SLC7A9: variants seen among roughly 807,000 people sequenced by gnomAD.
The protein encoded by SLC7A9 is B(0,+)-type amino acid transporter 1.
SLC7A9 carries 38 observed loss-of-function variants against 54.1 expected under a neutral mutation model. That is an observed-to-expected ratio of 0.70 (90% CI 0.54 to 0.92). The LOEUF (loss-of-function observed/expected upper bound fraction) is 0.92. SLC7A9 is among the 40% of genes least tolerant of loss of function. The probability of loss-of-function intolerance (pLI) is 0.00; values close to 1 mark genes in which losing one functional copy is unlikely to be tolerated. For synonymous variants in SLC7A9, 264 were observed against 258.9 expected (o/e 1.02, Z -0.19); for missense variants, 537 against 636.1 (o/e 0.84, Z 1.68).
intron 9 of SLC7A9, among the ~76,000 whole-genome samples, chr19:32,855,637 G>A (rs759910476): frequency 2.0e-5 from 3 of 152,056 alleles, no homozygotes; most frequent in South Asian, 2.1e-4. Flanking sequence ...GGGAGGTGGA[G>A]CTTGCAGTGA....
intron 2 of SLC7A9, among the ~76,000 whole-genome samples, chr19:32,868,179 C>T (rs1268373782): frequency 7.4e-6 from 1 of 136,000 alleles, no homozygotes; most frequent in Non-Finnish European, 1.5e-5. Flanking sequence ...TGCATTGAGC[C>T]GAGATGGCAG....
At chr19:32,865,578 C>T (rs1364983495) in intron 2 of SLC7A9, among the ~76,000 whole-genome samples, 1 of 152,208 alleles carries the variant, frequency 6.6e-6, no homozygotes, top group Non-Finnish European at 1.5e-5. Context: ...TAATCCACAG[C>T]CACAGGAATT....
intron 2 of SLC7A9, 142 bp from the exon 3 acceptor site, chr19:32,864,918 T>G: frequency 9.6e-7 from 1 of 1,043,626 alleles, no homozygotes; most frequent in Non-Finnish European, 1.5e-6. Flanking sequence ...GCGGCTGCCC[T>G]GGCAACACCG....
intron 9 of SLC7A9, among the ~76,000 whole-genome samples, chr19:32,853,389 T>A (rs1056148341): frequency 6.6e-6 from 1 of 152,230 alleles, no homozygotes; most frequent in Non-Finnish European, 1.5e-5. Context: ...TATAAATTTA[T>A]GAAAATAATT....
intron 9 of SLC7A9, among the ~76,000 whole-genome samples, chr19:32,853,068 G>A (rs1021885688): frequency 4.0e-5 from 6 of 151,830 alleles, no homozygotes; most frequent in South Asian, 2.1e-4. Flanking sequence ...CGCCCACCAC[G>A]TCCGGCTAAT....
At chr19:32,864,871 C>T (rs1968921316) in intron 2 of SLC7A9, 95 bp from the exon 3 acceptor site, 1 of 1,533,250 alleles carries the variant, frequency 6.5e-7, no homozygotes, top group Admixed American at 1.7e-5. Context: ...CAGGGCGGCC[C>T]CAGCCAAAGC....
chr19:32,839,445 T>G (rs2145805113), intron 11 of SLC7A9, among the ~76,000 whole-genome samples: 1 of 150,670 alleles, frequency 6.6e-6, no homozygotes, highest in African/African-American at 2.4e-5. Context: ...CCCAGCTACT[T>G]AGAAGGCTGA....
At chr19:32,861,933 AG>A (rs1968811329) in intron 6 of SLC7A9, among the ~76,000 whole-genome samples, 184 bp downstream of exon 6, 1 of 152,200 alleles carries the variant, frequency 6.6e-6, no homozygotes, top group South Asian at 2.1e-4. Context: ...CTGACTGAGC[AG>A]GTGTCTCAGG....
rs200323617 is a variant in SLC7A9, at chr19:32,843,969, G to A, written c.978-18C>T. ...AAATGAGTCTGGAAAATAACGACAC[G>A]GGAGTCCGCTGACCAGAGTGCAGAC... is the stretch of plus-strand genomic sequence containing the variant. On this transcript the variant is annotated intron_variant, in intron 9 of 12. Coordinates refer to ENST00000023064, the MANE Select transcript of SLC7A9 (RefSeq NM_014270.5). 1.9e-4 allele frequency: 303 copies of A among 1,579,118 alleles called. 1 individual carries two copies. Among genetic ancestry groups the A allele is most frequent in the Admixed American group, 3.8e-4 (23 of 59,912 alleles).
intron 9 of SLC7A9, among the ~76,000 whole-genome samples, chr19:32,855,492 G>A (rs543316135): frequency 3.4e-4 from 51 of 152,168 alleles, no homozygotes; most frequent in Non-Finnish European, 5.6e-4. Context: ...GAGGTCAGGA[G>A]ATCAAGACCA....
intron 1 of SLC7A9, among the ~76,000 whole-genome samples, chr19:32,869,177 C>A (rs8106475): frequency 6.6e-6 from 1 of 151,858 alleles, no homozygotes; most frequent in Non-Finnish European, 1.5e-5. Flanking sequence ...GAGCCAAGAT[C>A]ATGCCACTGC....
At chr19:32,839,307 C>G (rs550051899) in intron 11 of SLC7A9, among the ~76,000 whole-genome samples, 1 of 152,046 alleles carries the variant, frequency 6.6e-6, no homozygotes, top group African/African-American at 2.4e-5. Flanking sequence ...GTAATCCCAG[C>G]ACTTTGGAAG....
intron 9 of SLC7A9, among the ~76,000 whole-genome samples, chr19:32,845,380 AGCTGAG>A (rs984931191): frequency 3.9e-5 from 6 of 152,010 alleles, no homozygotes; most frequent in South Asian, 2.1e-4. Context: ...CTGTAACCTC[AGCTGAG>A]GCTGAGGCTG....
In SLC7A9 at chr19:32,859,972, G is replaced by A. The variant is rs2145839010; in HGVS notation, c.750-8C>T. Reference sequence around the variant, plus strand: ...ATGGCCAAAGGCAGGTTTCTGGGAGGGGCAATGACACGGAGACCCACGTTC... The same window carrying A: ...ATGGCCAAAGGCAGGTTTCTGGGAGAGGCAATGACACGGAGACCCACGTTC... On this transcript the variant is annotated splice_polypyrimidine_tract_variant and splice_region_variant and intron_variant, in intron 7 of 12. Transcript: ENST00000023064. The A allele has an allele frequency of 6.2e-7, 1 of 1,614,096 alleles. No individual in the cohort carries two copies. The highest frequency in any genetic ancestry group is 2.2e-5 in the East Asian group (1 of 44,878).
rs183247220 is a variant in SLC7A9, at chr19:32,861,537, C to T, written c.704+581G>A. Reference sequence around the variant, plus strand: ...GTTTAATCAAGAGCTTGGGGCTGGGCGCAGTGGCTCACGCCTGTAAACCCA... The same window carrying T: ...GTTTAATCAAGAGCTTGGGGCTGGGTGCAGTGGCTCACGCCTGTAAACCCA... On this transcript the variant is annotated intron_variant, in intron 6 of 12. Coordinates refer to ENST00000023064, the MANE Select transcript of SLC7A9 (RefSeq NM_014270.5). Among the ~76,000 whole-genome samples, 216 of 152,208 alleles carry T rather than the reference C, an allele frequency of 1.4e-3. 1 individual carries two copies. The highest frequency in any genetic ancestry group is 5.0e-3 in the African/African-American group (206 of 41,526).
rs386388892 is a variant in SLC7A9 at position 32,844,857 on chromosome 19, C to CAAAAAAAAAAAAAAAAAAAAAAAAAAAAA, written c.978-907_978-906insTTTTTTTTTTTTTTTTTTTTTTTTTTTTT. On this transcript the variant is annotated intron_variant, in intron 9 of 12. Coordinates refer to ENST00000023064, the MANE Select transcript of SLC7A9 (RefSeq NM_014270.5). Reference sequence around the variant, plus strand: ...TGGACGACAGAGTGAGAATCCATCTCAAAAAAAAAAAAAAAAAAAAAAAAA... The same window carrying CAAAAAAAAAAAAAAAAAAAAAAAAAAAAA: ...TGGACGACAGAGTGAGAATCCATCTCAAAAAAAAAAAAAAAAAAAAAAAAAAAAAAAAAAAAAAAAAAAAAAAAAAAAAA... 2.0e-4 allele frequency among the ~76,000 whole-genome samples: 6 copies of CAAAAAAAAAAAAAAAAAAAAAAAAAAAAA among 30,314 alleles called. 1 individual carries two copies. Among genetic ancestry groups the CAAAAAAAAAAAAAAAAAAAAAAAAAAAAA allele is most frequent in the Non-Finnish European group, 3.5e-4 (6 of 16,988 alleles). The allele number at this position is 30,314 out of a possible 152,430, so 19.9% of individuals were successfully genotyped here.
intron 10 of SLC7A9, among the ~76,000 whole-genome samples, chr19:32,842,597 T>TTTTGTTTTGTTTTGTTTTG (rs1968159846): frequency 4.0e-5 from 6 of 149,114 alleles, no homozygotes; most frequent in African/African-American, 1.5e-4. Context: ...ACTGTGGGTT[T>TTTTGTTTTGTTTTGTTTTG]TTTTGTTTTG....
chr19:32,848,290 C>G (rs1160179709), intron 9 of SLC7A9, among the ~76,000 whole-genome samples: 1 of 152,158 alleles, frequency 6.6e-6, no homozygotes, highest in African/African-American at 2.4e-5. Flanking sequence ...TTCAGGAAAC[C>G]TATCTCACAT....
chr19:32,865,712 T>C (rs900694760), intron 2 of SLC7A9, among the ~76,000 whole-genome samples: 2 of 152,292 alleles, frequency 1.3e-5, no homozygotes, highest in East Asian at 3.9e-4. Context: ...GGTTTATGCC[T>C]GTAATCCCAG....
Sources: gnomAD v4.1 joint callset for allele counts (sites outside exome capture counted in the v4.1 genomes callset) on GRCh38, gnomAD v4.1.1 for gene constraint, MANE v1.5 for transcripts, NCBI Gene and HGNC (gene_info 2026-07-23, HGNC 2026-07-21) for gene names.